The following KIAA0513 variants were observed in gnomAD, a reference collection of about 807,000 sequenced individuals.
The protein encoded by KIAA0513 is KIAA0513, also known as uncharacterized protein KIAA0513.
In KIAA0513, 39 loss-of-function variants were observed where a neutral mutation model predicts 56.5. That is an observed-to-expected ratio of 0.69 (90% CI 0.53 to 0.90). The LOEUF is 0.90. Among genes scored for constraint, KIAA0513 ranks in the 40% least tolerant of loss-of-function variants. The probability of loss-of-function intolerance (pLI) is 0.00; values close to 1 mark genes in which losing one functional copy is unlikely to be tolerated. For synonymous variants in KIAA0513, 268 were observed against 215.6 expected (o/e 1.24, Z -2.13); for missense variants, 591 against 535.2 (o/e 1.10, Z -1.03).
intron 4 of KIAA0513, 135 bp downstream of exon 4, chr16:85,073,133 T>C: frequency 1.3e-6 from 1 of 767,390 alleles, no homozygotes; most frequent in African/African-American, 1.7e-5. Context: ...GTTGCTCTGC[T>C]ACGCCCAGCA....
chr16:85,086,877 C>T lies in KIAA0513; in HGVS notation c.1091+153C>T, dbSNP rs545199238. The T allele has an allele frequency of 9.5e-6, 8 of 843,930 alleles. No homozygotes were observed. In the African/African-American group the frequency reaches 1.2e-4, roughly 13 times the overall value. 52.3% of individuals were successfully genotyped at this position (843,930 alleles called of 1,614,324 possible). A position where few individuals can be genotyped will look rare whatever the true frequency, so the allele number is the denominator to read the frequency against. ...GCCTCCATGCCAGCTCATAATTAATCCGCCTCCTACACGACCCCTGGTGGC... is the reference window on the plus strand; with the variant it reads ...GCCTCCATGCCAGCTCATAATTAATTCGCCTCCTACACGACCCCTGGTGGC... On this transcript the variant is annotated intron_variant, in intron 11 of 12. Coordinates refer to ENST00000683363, the MANE Select transcript of KIAA0513 (RefSeq NM_001388359.1).
intron 1 of KIAA0513, among the ~76,000 whole-genome samples, chr16:85,040,848 G>A (rs1163002337): frequency 6.6e-6 from 1 of 152,166 alleles, no homozygotes; most frequent in Non-Finnish European, 1.5e-5. Context: ...TGAGAACTGT[G>A]GATCAATACA....
At chr16:85,028,526 C>G (rs149540295) in intron 1 of KIAA0513, among the ~76,000 whole-genome samples, 285 of 152,158 alleles carry the variant, frequency 1.9e-3, no homozygotes, top group Non-Finnish European at 3.5e-3. Context: ...TTTAGCAGCT[C>G]AGTTTAGGAC....
At chr16:85,053,533 C>A (rs1457189292) in intron 1 of KIAA0513, among the ~76,000 whole-genome samples, 1 of 152,166 alleles carries the variant, frequency 6.6e-6, no homozygotes, top group Non-Finnish European at 1.5e-5. Flanking sequence ...AGACATCTTT[C>A]CAGGTTGACT....
intron 3 of KIAA0513, among the ~76,000 whole-genome samples, chr16:85,072,566 C>A (rs554040630): frequency 5.3e-5 from 8 of 151,584 alleles, no homozygotes; most frequent in African/African-American, 1.9e-4. Context: ...TTAGAAAATG[C>A]AGATGAGCAA....
chr16:85,082,325 C>A (rs2073755285), intron 9 of KIAA0513, among the ~76,000 whole-genome samples: 1 of 152,066 alleles, frequency 6.6e-6, no homozygotes, highest in East Asian at 1.9e-4. Context: ...CTCGAGAGAC[C>A]CCGCTGTGCC....
chr16:85,070,436 T>C (rs940492247), intron 2 of KIAA0513, among the ~76,000 whole-genome samples: 9 of 152,068 alleles, frequency 5.9e-5, no homozygotes, highest in African/African-American at 1.9e-4. Context: ...CCCAGCACTT[T>C]GGGAGGCGAG....
At chr16:85,044,116 C>A (rs1369811624) in intron 1 of KIAA0513, among the ~76,000 whole-genome samples, 1 of 152,226 alleles carries the variant, frequency 6.6e-6, no homozygotes, top group Non-Finnish European at 1.5e-5. Flanking sequence ...TTCTTAAAAA[C>A]CTCAATAGGA....
Position 85,088,479 on chromosome 16 carries a change from T to G in KIAA0513, c.*154T>G, listed in dbSNP as rs971171506. 2 of 634,602 alleles carry G rather than the reference T, an allele frequency of 3.2e-6. No homozygotes were observed. The highest frequency in any genetic ancestry group is 1.8e-5 in the African/African-American group (1 of 54,954). The allele number at this position is 634,602 out of a possible 1,614,324, so 39.3% of individuals were successfully genotyped here. On this transcript the variant is annotated 3_prime_UTR_variant, in exon 13 of 13. Transcript: ENST00000683363. ...AGAACTAGCGGTTAGAAGAATCCGC[T>G]GTTCCTCCCTCATCTCCTCTGCCTG...
chr16:85,058,880 G>C (rs1310419043), intron 1 of KIAA0513, among the ~76,000 whole-genome samples: 2 of 152,186 alleles, frequency 1.3e-5, no homozygotes, highest in African/African-American at 4.8e-5. Flanking sequence ...AATTTTATGA[G>C]CAAGGATGCT....
In KIAA0513 at chr16:85,090,696, TCTC is replaced by T. The variant is rs2144124246; in HGVS notation, c.*2375_*2377del. On this transcript the variant is annotated 3_prime_UTR_variant, in exon 13 of 13. Transcript: ENST00000683363. ...GTTGGAGGAAGGCTGACAGAGAAGG[TCTC>T]CTCTGTGCTCCATCCACACAGGATG... 6.6e-6 allele frequency: 1 copy of T among 152,372 alleles called. No individual in the cohort carries two copies. Among genetic ancestry groups the T allele is most frequent in the African/African-American group, 2.4e-5 (1 of 41,570 alleles). The allele number at this position is 152,372 out of a possible 1,614,324, so 9.4% of individuals were successfully genotyped here.
chr16:85,037,523 T>A (rs1433112463), intron 1 of KIAA0513, among the ~76,000 whole-genome samples: 1 of 152,172 alleles, frequency 6.6e-6, no homozygotes, highest in African/African-American at 2.4e-5. Flanking sequence ...TATGTCAATG[T>A]CAAACCTAAG....
intron 1 of KIAA0513, among the ~76,000 whole-genome samples, chr16:85,030,419 A>G (rs1380534279): frequency 2.0e-5 from 3 of 152,120 alleles, no homozygotes; most frequent in African/African-American, 7.2e-5. Context: ...TATATGTGGC[A>G]TTGTATGCAT....
In KIAA0513 at chr16:85,044,042, AAG is replaced by A. The variant is rs1362242196; in HGVS notation, c.-173+16188_-173+16189del. On this transcript the variant is annotated intron_variant, in intron 1 of 12. Coordinates refer to ENST00000683363, the MANE Select transcript of KIAA0513 (RefSeq NM_001388359.1). Reference sequence around the variant, plus strand: ...CAAAACTCAGTCTCAAGAGAAAAAAAAGAGAAATGCCTTACTTGAACCTTCTT... The same window carrying A: ...CAAAACTCAGTCTCAAGAGAAAAAAAAGAAATGCCTTACTTGAACCTTCTT... Among the ~76,000 whole-genome samples, 7 of 152,300 alleles carry A rather than the reference AAG, an allele frequency of 4.6e-5. No individual in the cohort carries two copies. In the East Asian group the frequency reaches 1.2e-3, roughly 25 times the overall value.
chr16:85,069,065 C>T (rs189629963), intron 2 of KIAA0513, among the ~76,000 whole-genome samples: 1 of 152,042 alleles, frequency 6.6e-6, no homozygotes, highest in African/African-American at 2.4e-5. Context: ...GGGTCTTACT[C>T]TGTTGCCCAG....
intron 1 of KIAA0513, among the ~76,000 whole-genome samples, chr16:85,061,992 G>C (rs1451277054): frequency 6.6e-6 from 1 of 151,914 alleles, no homozygotes; most frequent in Non-Finnish European, 1.5e-5. Context: ...CCTCTGCCTG[G>C]GTCACCTTCA....
At chr16:85,055,868 C>T (rs2073321545) in intron 1 of KIAA0513, among the ~76,000 whole-genome samples, 1 of 152,222 alleles carries the variant, frequency 6.6e-6, no homozygotes, top group Non-Finnish European at 1.5e-5. Context: ...TGCTCGGAGC[C>T]AGCCTCCCAA....
At chr16:85,052,235 G>A (rs1051968317) in intron 1 of KIAA0513, among the ~76,000 whole-genome samples, 1 of 152,074 alleles carries the variant, frequency 6.6e-6, no homozygotes, top group Non-Finnish European at 1.5e-5. Context: ...AAGGAGAATC[G>A]CTTGAACCCT....
At chr16:85,055,935 G>C (rs529327284) in intron 1 of KIAA0513, among the ~76,000 whole-genome samples, 1 of 152,174 alleles carries the variant, frequency 6.6e-6, no homozygotes. Context: ...GTGGTGCTGC[G>C]GGGCAATCTG....
Sources: gnomAD v4.1 joint callset for allele counts (sites outside exome capture counted in the v4.1 genomes callset) on GRCh38, gnomAD v4.1.1 for gene constraint, MANE v1.5 for transcripts, NCBI Gene and HGNC (gene_info 2026-07-23, HGNC 2026-07-21) for gene names.